CPLANE1: variants seen among roughly 807,000 people sequenced by gnomAD.
CPLANE1 encodes the protein ciliogenesis and planar polarity effector 1.
CPLANE1 carries 263 observed loss-of-function variants against 362.5 expected under a neutral mutation model. The ratio of observed to expected loss-of-function variants is 0.73; its 90% confidence interval spans 0.66 to 0.80. The LOEUF is 0.80. Among genes scored for constraint, CPLANE1 ranks in the 30% least tolerant of loss-of-function variants. The probability of loss-of-function intolerance (pLI) is 0.00; values close to 1 mark genes in which losing one functional copy is unlikely to be tolerated. For synonymous variants in CPLANE1, 1,212 were observed against 1,302.6 expected (o/e 0.93, Z 1.50); for missense variants, 3,461 against 3,793.4 (o/e 0.91, Z 2.30).
In CPLANE1 at chr5:37,210,384, A is replaced by G. The variant is rs572013283; in HGVS notation, c.2920+3175T>C. 3.1e-5 allele frequency: 32 copies of G among 1,027,052 alleles called. 1 individual carries two copies. In the South Asian group the frequency reaches 4.2e-4, roughly 14 times the overall value. The allele number at this position is 1,027,052 out of a possible 1,614,324, so 63.6% of individuals were successfully genotyped here. The stretch of plus-strand genomic sequence containing the variant: ...GCAGAATATAAAGAGTTTTGAGAAG[A>G]CCTATGACCAAAAACTCAAGAATGA... On this transcript the variant is annotated intron_variant, in intron 16 of 52. Transcript: ENST00000651892.
In CPLANE1 at chr5:37,231,029, A is replaced by G. The variant is rs886060584; in HGVS notation, c.959T>C (p.Ile320Thr). The change falls in exon 9 of 53, where the codon ATC becomes ACC. Residue 320 changes from isoleucine to threonine, a missense_variant. By Grantham distance (89) the Ile-to-Thr change is moderately conservative. Around this residue, in one of 2 missense-constraint regions of CPLANE1, gnomAD observed 3,380 missense variants for 3,666.1 expected, o/e 0.92. Transcript: ENST00000651892. The stretch of plus-strand genomic sequence containing the variant: ...AAAAAGACTATCATGCGTCCAGCTG[A>G]TATCACCTACCCAGTAGGACCTATA... The part of the protein sequence containing the change: ...TLIRSYWVGD[I>T]SWTHDSLFLA... The G allele has an allele frequency of 1.6e-5, 25 of 1,544,326 alleles. No individual in the cohort carries two copies. The Admixed American group carries it at 4.2e-4, about 26-fold the overall frequency.
chr5:37,240,817 T>A (rs1800239138), intron 6 of CPLANE1, among the ~76,000 whole-genome samples: 1 of 152,230 alleles, frequency 6.6e-6, no homozygotes, highest in Non-Finnish European at 1.5e-5. Context: ...AGTAGAGCCA[T>A]GTTTTTATAT....
chr5:37,248,196 C>T (rs1336193384), intron 1 of CPLANE1, among the ~76,000 whole-genome samples: 1 of 152,074 alleles, frequency 6.6e-6, no homozygotes, highest in Non-Finnish European at 1.5e-5. Context: ...GGCGCGATCT[C>T]GGCTCACTGC....
In CPLANE1 at chr5:37,169,004, T is replaced by A. The variant is rs565835408; in HGVS notation, c.7020A>T (p.Lys2340Asn). 14 of 1,614,056 alleles carry A rather than the reference T, an allele frequency of 8.7e-6. No individual in the cohort carries two copies. In the African/African-American group the frequency reaches 1.3e-4, roughly 15 times the overall value. ...QDSSVFIKPE[K>N]LFDVKPGTLE... The stretch of plus-strand genomic sequence containing the variant: ...GGGTCCCTGGCTTAACATCAAATAG[T>A]TTTTCTGGTTTTATAAACACTGAAG... The change falls in exon 34 of 53, where the codon AAA (lysine) becomes AAT (asparagine). Residue 2340 changes from lysine (K) to asparagine (N), a missense_variant. Transcript: ENST00000651892.
At chr5:37,171,745 A>ACTCT (rs56407367) in intron 32 of CPLANE1, among the ~76,000 whole-genome samples, 3,957 of 128,290 alleles carry the variant, frequency 0.031, 81 homozygotes, top group East Asian at 0.1. Flanking sequence ...TCTCTAGCTT[A>ACTCT]CTCTCTCTCT....
intron 46 of CPLANE1, among the ~76,000 whole-genome samples, chr5:37,135,787 C>T (rs1767524013): frequency 1.3e-5 from 2 of 151,804 alleles, no homozygotes; most frequent in Admixed American, 6.6e-5. Context: ...GCTGAGATCA[C>T]ACCATGGCAC....
intron 44 of CPLANE1, chr5:37,140,855 C>CTT (rs36108244): frequency 4.0e-4 from 319 of 803,444 alleles, no homozygotes; most frequent in South Asian, 5.6e-4. Flanking sequence ...TATGCATGGA[C>CTT]TTTTTTTTTT....
At chr5:37,115,845 A>G (rs1044984253) in intron 50 of CPLANE1, among the ~76,000 whole-genome samples, 23 of 151,632 alleles carry the variant, frequency 1.5e-4, no homozygotes, top group African/African-American at 5.6e-4. Flanking sequence ...CGCCCACCTC[A>G]GCCTCCCAAA....
intron 27 of CPLANE1, among the ~76,000 whole-genome samples, chr5:37,180,569 T>C (rs1324729053): frequency 6.6e-6 from 1 of 152,156 alleles, no homozygotes; most frequent in East Asian, 1.9e-4. Flanking sequence ...GCTTCATATA[T>C]AAAAATGGAT....
At chr5:37,123,260 G>A (rs963300215) in intron 47 of CPLANE1, among the ~76,000 whole-genome samples, 8 of 152,024 alleles carry the variant, frequency 5.3e-5, no homozygotes, top group Admixed American at 3.3e-4. Flanking sequence ...AAGAACTATT[G>A]GTGTGAGTTA....
At chr5:37,113,272 T>G (rs301903) in intron 51 of CPLANE1, among the ~76,000 whole-genome samples, 20,271 of 152,126 alleles carry the variant, frequency 0.13, 1,658 homozygotes, top group African/African-American at 0.22. Context: ...GCTGCTGGTC[T>G]TGTGATAGTG....
chr5:37,224,159 TA>T (rs1196237594), intron 14 of CPLANE1, 93 bp downstream of exon 14: 1 of 751,116 alleles, frequency 1.3e-6, no homozygotes, highest in African/African-American at 1.8e-5. Flanking sequence ...TAATGGCACA[TA>T]TTTTTTGGAA....
In CPLANE1 at chr5:37,167,275, A is replaced by G. The variant is rs1256917960; in HGVS notation, c.7234-62T>C. 7 of 1,283,336 alleles carry G rather than the reference A, an allele frequency of 5.5e-6. No homozygotes were observed. In the African/African-American group the frequency reaches 9.0e-5, roughly 16 times the overall value. The allele number at this position is 1,283,336 out of a possible 1,614,324, so 79.5% of individuals were successfully genotyped here. A position where few individuals can be genotyped will look rare whatever the true frequency, so the allele number is the denominator to read the frequency against. On this transcript the variant is annotated intron_variant, in intron 34 of 52. Transcript: ENST00000651892. The stretch of plus-strand genomic sequence containing the variant: ...GCAAACTCAATTATGTAATATTTCA[A>G]CAAAAGACTGAGGAAAAATACATTT...
intron 20 of CPLANE1, among the ~76,000 whole-genome samples, chr5:37,197,781 T>C (rs1787957232): frequency 1.3e-5 from 2 of 152,142 alleles, no homozygotes; most frequent in Admixed American, 1.3e-4. Context: ...ATTAGTGGTT[T>C]TTAGTATATT....
At chr5:37,144,576 G>T (rs1467732641) in intron 43 of CPLANE1, among the ~76,000 whole-genome samples, 1 of 151,920 alleles carries the variant, frequency 6.6e-6, no homozygotes, top group African/African-American at 2.4e-5. Context: ...TTTAGGCCGG[G>T]CACGGTGGCT....
At chr5:37,101,435 T>C (rs1235418832), downstream of CPLANE1, among the ~76,000 whole-genome samples, 2 of 152,238 alleles carry the variant, frequency 1.3e-5, no homozygotes, top group African/African-American at 4.8e-5. Context: ...CAATGGTGCA[T>C]CCCAGGGAGG....
chr5:37,111,108 A>G (rs1759147214), intron 51 of CPLANE1, among the ~76,000 whole-genome samples: 1 of 143,352 alleles, frequency 7.0e-6, no homozygotes, highest in Non-Finnish European at 1.5e-5. Flanking sequence ...CGCCCGGCCA[A>G]TGTATTAACT....
intron 51 of CPLANE1, among the ~76,000 whole-genome samples, chr5:37,110,688 G>A (rs1008385135): frequency 6.6e-6 from 1 of 152,038 alleles, no homozygotes. Context: ...CAGTCCTATG[G>A]AGAAACCATT....
At chr5:37,204,243 T>C (rs142236614) in intron 18 of CPLANE1, among the ~76,000 whole-genome samples, 187 of 152,338 alleles carry the variant, frequency 1.2e-3, no homozygotes, top group African/African-American at 4.4e-3. Context: ...ATAGGTTCTC[T>C]CAAAACAGAA....
Sources: gnomAD v4.1 joint callset for allele counts (sites outside exome capture counted in the v4.1 genomes callset) on GRCh38, gnomAD v4.1.1 for gene constraint, gnomAD v4.1.1 regional missense constraint, MANE v1.5 for transcripts, NCBI Gene and HGNC (gene_info 2026-07-23, HGNC 2026-07-21) for gene names.